SHROOM3: variants seen among roughly 807,000 people sequenced by gnomAD.
SHROOM3 encodes protein Shroom3.
A neutral mutation model predicts 138.6 loss-of-function variants in SHROOM3; 47 were observed. The ratio of observed to expected loss-of-function variants is 0.34; its 90% confidence interval spans 0.27 to 0.43. SHROOM3 has a LOEUF of 0.43. Among genes scored for constraint, SHROOM3 ranks in the 20% least tolerant of loss-of-function variants. The pLI, the probability that SHROOM3 is intolerant of heterozygous loss-of-function variation, is 1.00. For synonymous variants in SHROOM3, 1,062 were observed against 1,063.3 expected, an observed-to-expected ratio of 1.00 and a Z score of 0.02; for missense variants, 2,491 against 2,596.5, an observed-to-expected ratio of 0.96 and a Z score of 0.88.
At chr4:76,463,354 G>A (rs983529356) in intron 1 of SHROOM3, among the ~76,000 whole-genome samples, 4 of 152,218 alleles carry the variant, frequency 2.6e-5, no homozygotes, top group African/African-American at 7.2e-5. Context: ...AAGCATTCAG[G>A]AAGTGGCCTG....
At chr4:76,506,499 G>A (rs971835991) in intron 1 of SHROOM3, among the ~76,000 whole-genome samples, 42 of 152,078 alleles carry the variant, frequency 2.8e-4, no homozygotes, top group African/African-American at 1.0e-3. Flanking sequence ...TGGATGAGGG[G>A]GCCTGGAACC....
At chr4:76,558,273 G>A (rs1733528029) in intron 2 of SHROOM3, among the ~76,000 whole-genome samples, 1 of 152,162 alleles carries the variant, frequency 6.6e-6, no homozygotes, top group African/African-American at 2.4e-5. Context: ...ATCTGGTCTG[G>A]TTATTTGCAA....
chr4:76,709,939 A>G (rs145355054), intron 2 of SHROOM3: 138 of 542,520 alleles, frequency 2.5e-4, no homozygotes, highest in Middle Eastern at 8.4e-4. Context: ...TCAGAGGAAC[A>G]TGGATAAAAA....
intron 2 of SHROOM3, among the ~76,000 whole-genome samples, chr4:76,586,686 C>T (rs1734161218): frequency 6.6e-6 from 1 of 152,138 alleles, no homozygotes; most frequent in Non-Finnish European, 1.5e-5. Flanking sequence ...GAGAGCTTGA[C>T]AAATGACTCT....
At chr4:76,599,649 T>C (rs1734463057) in intron 2 of SHROOM3, among the ~76,000 whole-genome samples, 1 of 152,256 alleles carries the variant, frequency 6.6e-6, no homozygotes, top group African/African-American at 2.4e-5. Context: ...TGAATGGTCC[T>C]GGGTTTGAAT....
intron 1 of SHROOM3, among the ~76,000 whole-genome samples, chr4:76,514,074 T>C (rs766158082): frequency 6.6e-6 from 1 of 152,170 alleles, no homozygotes; most frequent in Non-Finnish European, 1.5e-5. Flanking sequence ...TGAAGCATAG[T>C]AACAATTTTC....
chr4:76,755,004 A>G lies in SHROOM3; in HGVS notation c.4521A>G (p.Glu1507=), dbSNP rs894689504. ...SPPPHEDYED[E]VFVRDPHPKA... ...CACCTCATGAGGATTATGAAGACGA[A>G]GTGTTTGTGAGGGATCCGCACCCCA... Residue 1507 remains glutamate, a synonymous_variant, in exon 7 of 11, where the codon GAA becomes GAG. Transcript: ENST00000296043. 1.5e-5 allele frequency: 24 copies of G among 1,611,374 alleles called. No homozygotes were observed. Among genetic ancestry groups the G allele is most frequent in the Non-Finnish European group, 2.0e-5 (23 of 1,177,922 alleles).
chr4:76,511,987 G>A lies in SHROOM3; in HGVS notation c.169-43622G>A, dbSNP rs1732347631. Among the ~76,000 whole-genome samples, 6 of 152,282 alleles carry A rather than the reference G, an allele frequency of 3.9e-5. No homozygotes were observed. The South Asian group carries it at 1.2e-3, about 32-fold the overall frequency. On this transcript the variant is annotated intron_variant, in intron 1 of 10. Coordinates refer to ENST00000296043, the MANE Select transcript of SHROOM3 (RefSeq NM_020859.4). The stretch of plus-strand genomic sequence containing the variant: ...CCAGGGGCCTAGTTGAGACACAGGT[G>A]AGGTGACCCTCAGGAGAATATTTTC...
chr4:76,475,951 G>T (rs931585977), intron 1 of SHROOM3, among the ~76,000 whole-genome samples: 1 of 152,186 alleles, frequency 6.6e-6, no homozygotes. Context: ...TATTCCAAGA[G>T]ATCTGTGTGG....
At chr4:76,576,916 A>G (rs766284561) in intron 2 of SHROOM3, among the ~76,000 whole-genome samples, 1 of 152,166 alleles carries the variant, frequency 6.6e-6, no homozygotes, top group African/African-American at 2.4e-5. Context: ...TAAAGCAAAA[A>G]TAAAAACTGG....
At chr4:76,577,630 C>T (rs920935081) in intron 2 of SHROOM3, among the ~76,000 whole-genome samples, 2 of 152,210 alleles carry the variant, frequency 1.3e-5, no homozygotes, top group Non-Finnish European at 2.9e-5. Flanking sequence ...TAGAAAAATG[C>T]TCCAGTCTAG....
chr4:76,707,785 T>C (rs933414486), intron 2 of SHROOM3, among the ~76,000 whole-genome samples: 5 of 152,090 alleles, frequency 3.3e-5, no homozygotes, highest in African/African-American at 1.2e-4. Context: ...GGGTTTTTTT[T>C]CTTTTTTTTT....
chr4:76,537,390 C>A (rs1733001379), intron 1 of SHROOM3, among the ~76,000 whole-genome samples: 1 of 152,088 alleles, frequency 6.6e-6, no homozygotes, highest in African/African-American at 2.4e-5. Flanking sequence ...TGAGCTTTTA[C>A]TCTAAGTGGG....
chr4:76,581,568 C>T (rs1278747728), intron 2 of SHROOM3, among the ~76,000 whole-genome samples: 1 of 152,168 alleles, frequency 6.6e-6, no homozygotes, highest in African/African-American at 2.4e-5. Context: ...ACGGTGTCAT[C>T]AGCCTGGGAT....
intron 1 of SHROOM3, among the ~76,000 whole-genome samples, chr4:76,554,496 T>G (rs1178614694): frequency 6.7e-6 from 1 of 149,546 alleles, no homozygotes; most frequent in African/African-American, 2.5e-5. Context: ...CTCAGCTCAC[T>G]GCAAGCGTCG....
chr4:76,616,040 C>T (rs969556555), intron 2 of SHROOM3, among the ~76,000 whole-genome samples: 2 of 152,018 alleles, frequency 1.3e-5, no homozygotes, highest in African/African-American at 2.4e-5. Context: ...GAATTAGGAC[C>T]AGTGGGTTAA....
rs185396593 is a variant in SHROOM3, at chr4:76,782,699, T to A, written c.*3522T>A. ...TAGAACAACATGAATTTTATTCACC[T>A]TACTATTAGAAAAAGGAATAACTAC... On this transcript the variant is annotated 3_prime_UTR_variant, in exon 11 of 11. Coordinates refer to ENST00000296043, the MANE Select transcript of SHROOM3 (RefSeq NM_020859.4). The A allele has an allele frequency of 5.3e-5, 8 of 152,320 alleles. No homozygotes were observed. The highest frequency in any genetic ancestry group is 5.2e-4 in the Admixed American group (8 of 15,298). 9.4% of individuals were successfully genotyped at this position (152,320 alleles called of 1,614,324 possible).
intron 1 of SHROOM3, among the ~76,000 whole-genome samples, chr4:76,442,575 A>G (rs1019794864): frequency 6.6e-6 from 1 of 151,786 alleles, no homozygotes; most frequent in Non-Finnish European, 1.5e-5. Flanking sequence ...ACGCACGGCT[A>G]ATTTTTTGTA....
intron 2 of SHROOM3, among the ~76,000 whole-genome samples, chr4:76,696,465 C>G (rs1194090196): frequency 2.0e-5 from 3 of 152,162 alleles, no homozygotes; most frequent in Non-Finnish European, 1.5e-5. Context: ...GAAATGGGGT[C>G]ACAGTCCAGT....
Sources: gnomAD v4.1 joint callset for allele counts (sites outside exome capture counted in the v4.1 genomes callset) on GRCh38, gnomAD v4.1.1 for gene constraint, MANE v1.5 for transcripts, NCBI Gene and HGNC (gene_info 2026-07-23, HGNC 2026-07-21) for gene names.